Variants in COL9A2 observed in about 807,000 individuals in gnomAD.
The protein encoded by COL9A2 is collagen type IX alpha 2 chain.
Under a neutral mutation model 111.6 loss-of-function variants are expected in COL9A2, and 66 were observed. The observed-to-expected ratio is 0.59, with a 90% CI of 0.48 to 0.73. The LOEUF is 0.73. COL9A2 is among the 30% of genes least tolerant of loss of function. The pLI is 0.00. For synonymous variants in COL9A2, 353 were observed against 364.1 expected, an observed-to-expected ratio of 0.97 and a Z score of 0.35; for missense variants, 881 against 954.1, an observed-to-expected ratio of 0.92 and a Z score of 1.01.
intron 2 of COL9A2, chr1:40,315,160 G>C: frequency 1.1e-6 from 1 of 931,116 alleles, no homozygotes; most frequent in Non-Finnish European, 1.3e-6. Context: ...ATTCTAAATC[G>C]GGGAGAGAAA....
At chr1:40,315,551 C>A (rs763237096) in intron 2 of COL9A2, 39 bp downstream of exon 2, 3 of 1,528,766 alleles carry the variant, frequency 2.0e-6, no homozygotes, top group Non-Finnish European at 2.7e-6. Flanking sequence ...CCTTTGTCTG[C>A]CGCCTCCCTC....
rs747178798 is a variant in COL9A2, at chr1:40,301,267, C to T, written c.1985G>A (p.Gly662Asp). 71 of 1,613,958 alleles carry T rather than the reference C, an allele frequency of 4.4e-5. No homozygotes were observed. The highest frequency in any genetic ancestry group is 5.6e-5 in the Non-Finnish European group (66 of 1,179,986). ...PGLPGPVGLP[G>D]FCEPAACLGA... ...AAGGCAGGCGGCAGGTTCACAGAAG[C>T]CCGGCAGCCCCACGGGGCCTGGCAG... The change falls in exon 32 of 32, where the codon GGC becomes GAC. Residue 662 changes from glycine (G) to aspartate (D), a missense_variant. Physicochemically the swap from Gly to Asp is moderately conservative, Grantham distance 94. Transcript: ENST00000372748.
Position 40,302,789 on chromosome 1 carries a change from C to T in COL9A2, c.1624G>A (p.Val542Met), listed in dbSNP as rs573879844. The change falls in exon 30 of 32, where the codon GTG becomes ATG. Residue 542 changes from valine (V) to methionine (M), a missense_variant. Physicochemically the swap from Val to Met is conservative, Grantham distance 21. Coordinates refer to ENST00000372748, the MANE Select transcript of COL9A2 (RefSeq NM_001852.4). This position sits in a 1 kb window ranked among gnomAD's most constrained non-coding sequence, Gnocchi z 4.5. ...MLQEQLAEVA[V>M]SAKREALGAV... is the part of the protein sequence containing the mutation. The stretch of plus-strand genomic sequence containing the variant: ...CCCAGGGCTTCCCGCTTGGCACTCA[C>T]GGCGACCTCTGCCAGTTGCTCTGGA... 30 of 1,130,170 alleles carry T rather than the reference C, an allele frequency of 2.7e-5. No homozygotes were observed. Among genetic ancestry groups the T allele is most frequent in the African/African-American group, 3.2e-5 (2 of 62,186 alleles). The allele number at this position is 1,130,170 out of a possible 1,614,324, so 70.0% of individuals were successfully genotyped here. A position where few individuals can be genotyped will look rare whatever the true frequency, so the allele number is the denominator to read the frequency against.
Position 40,303,235 on chromosome 1 carries a change from C to G in COL9A2, c.1549-50G>C. ...GAAGCCCCTGGCTACAAGGGCCCACCGCTCCTATCCCACCTGGCTGAGCGT... is the reference window on the plus strand; with the variant it reads ...GAAGCCCCTGGCTACAAGGGCCCACGGCTCCTATCCCACCTGGCTGAGCGT... On this transcript the variant is annotated intron_variant, in intron 28 of 31. Coordinates refer to ENST00000372748, the MANE Select transcript of COL9A2 (RefSeq NM_001852.4). This position sits in a 1 kb window ranked among gnomAD's most constrained non-coding sequence, Gnocchi z 4.6. The G allele has an allele frequency of 6.4e-7, 1 of 1,558,782 alleles. No homozygotes were observed. The highest frequency in any genetic ancestry group is 8.8e-7 in the Non-Finnish European group (1 of 1,140,522).
chr1:40,311,080 C>A lies in COL9A2; in HGVS notation c.630+13G>T, dbSNP rs3737815. ...CGTATCCCTGACCCACAGCCCTCAG[C>A]CCTTGCACTCACCGGCTTCCCCTGG... On this transcript the variant is annotated intron_variant, in intron 12 of 31. Transcript: ENST00000372748. The surrounding 1 kb of genome is among the most constrained non-coding windows in gnomAD (Gnocchi z 5.1). The A allele has an allele frequency of 0.17, 266,324 of 1,613,654 alleles. 24,982 individuals carry two copies. Among genetic ancestry groups the A allele is most frequent in the East Asian group, 0.43 (19,216 of 44,850 alleles).
intron 19 of COL9A2, among the ~76,000 whole-genome samples, chr1:40,306,679 G>C (rs1644035122): frequency 6.6e-6 from 1 of 152,160 alleles, no homozygotes; most frequent in Admixed American, 6.5e-5. Flanking sequence ...CTGTTGAGAA[G>C]GGAAAGGACA....
rs970701437 is a variant in COL9A2 at position 40,316,453 on chromosome 1, C to T, written c.75+670G>A. ...ATATCAAGATGAGGCGAGCTCACAGCTGGAGAGTCTCCATCCTGCTGCCCA... is the reference window on the plus strand; with the variant it reads ...ATATCAAGATGAGGCGAGCTCACAGTTGGAGAGTCTCCATCCTGCTGCCCA... On this transcript the variant is annotated intron_variant, in intron 1 of 31. Transcript: ENST00000372748. This position sits in a 1 kb window ranked among gnomAD's most constrained non-coding sequence, Gnocchi z 5.5. Among the ~76,000 whole-genome samples the T allele has an allele frequency of 2.0e-5, 3 of 152,210 alleles. No individual in the cohort carries two copies. The South Asian group carries it at 6.2e-4, about 31-fold the overall frequency.
Position 40,312,092 on chromosome 1 carries a change from G to C in COL9A2, c.384C>G (p.Gly128=), listed in dbSNP as rs945661413. 1.1e-5 allele frequency: 17 copies of C among 1,602,468 alleles called. No homozygotes were observed. The highest frequency in any genetic ancestry group is 1.7e-5 in the Admixed American group (1 of 57,210). The change falls in exon 8 of 32, where the codon GGC becomes GGG. Residue 128 remains glycine, a synonymous_variant. Coordinates refer to ENST00000372748, the MANE Select transcript of COL9A2 (RefSeq NM_001852.4). This position sits in a 1 kb window ranked among gnomAD's most constrained non-coding sequence, Gnocchi z 6.0. ...CTCGGATTCCAATCTCACCAGGGAG[G>C]CCAACAGGTCCAGGAGGCCCCTGGG... ...AGPPGPPGPV[G]LPGEIGIRGP...
At position 40,301,082 on chromosome 1, in the gene COL9A2, G is replaced by T; in HGVS notation, c.*100C>A. ...CTGAGTCCCAGACAGAAGGTCCTGGGGGAGATGGTTTCCTGGACTGGGGAT... is the reference window on the plus strand; with the variant it reads ...CTGAGTCCCAGACAGAAGGTCCTGGTGGAGATGGTTTCCTGGACTGGGGAT... On this transcript the variant is annotated 3_prime_UTR_variant, in exon 32 of 32. Coordinates refer to ENST00000372748, the MANE Select transcript of COL9A2 (RefSeq NM_001852.4). The T allele has an allele frequency of 7.9e-7, 1 of 1,268,160 alleles. No homozygotes were observed. Among genetic ancestry groups the T allele is most frequent in the Non-Finnish European group, 1.1e-6 (1 of 879,908 alleles). The allele number at this position is 1,268,160 out of a possible 1,614,324, so 78.6% of individuals were successfully genotyped here.
rs955748639 is a variant in COL9A2 at position 40,316,839 on chromosome 1, T to C, written c.75+284A>G. 2 of 548,086 alleles carry C rather than the reference T, an allele frequency of 3.6e-6. No homozygotes were observed. The highest frequency in any genetic ancestry group is 3.8e-5 in the African/African-American group (2 of 52,116). The allele number at this position is 548,086 out of a possible 1,614,324, so 34.0% of individuals were successfully genotyped here. A position where few individuals can be genotyped will look rare whatever the true frequency, so the allele number is the denominator to read the frequency against. On this transcript the variant is annotated intron_variant, in intron 1 of 31. Coordinates refer to ENST00000372748, the MANE Select transcript of COL9A2 (RefSeq NM_001852.4). This position sits in a 1 kb window ranked among gnomAD's most constrained non-coding sequence, Gnocchi z 5.5. ...GCCCCGCCACCTGGGCTCCCCGGGC[T>C]GCCAGGACCGGGCGCCAGCTCCTGC...
chr1:40,307,364 C>T lies in COL9A2; in HGVS notation c.1008+82G>A. 7.3e-7 allele frequency: 1 copy of T among 1,374,422 alleles called. No individual in the cohort carries two copies. The highest frequency in any genetic ancestry group is 1.0e-6 in the Non-Finnish European group (1 of 979,666). The allele number at this position is 1,374,422 out of a possible 1,614,324, so 85.1% of individuals were successfully genotyped here. ...AACAAGGCAAGAGGTGGTGATTGAG[C>T]AAGAGCCCCGGGTGTGTGTGGATTC... On this transcript the variant is annotated intron_variant, in intron 19 of 31. Coordinates refer to ENST00000372748, the MANE Select transcript of COL9A2 (RefSeq NM_001852.4). The surrounding 1 kb of genome is among the most constrained non-coding windows in gnomAD (Gnocchi z 4.8).
In COL9A2 at chr1:40,305,711, T is replaced by C. The variant is rs1406226184; in HGVS notation, c.1107+4A>G. On this transcript the variant is annotated splice_donor_region_variant and intron_variant, in intron 21 of 31. Coordinates refer to ENST00000372748, the MANE Select transcript of COL9A2 (RefSeq NM_001852.4). The stretch of plus-strand genomic sequence containing the variant: ...ACCCTTGTGTCAGTGCAGGGGGCAT[T>C]TACCTCTTTCCCAGGGGGACCAGAG... The C allele has an allele frequency of 4.3e-6, 7 of 1,613,860 alleles. No homozygotes were observed. The African/African-American group carries it at 9.3e-5, about 22-fold the overall frequency.
In COL9A2 at chr1:40,301,152, T is replaced by C; in HGVS notation, c.*30A>G. ...GGGGACCTGGTCCTTCCCGCCAGGA[T>C]GCCTGCCAGGCTCTGTCTGGGCCTG... On this transcript the variant is annotated 3_prime_UTR_variant, in exon 32 of 32. Coordinates refer to ENST00000372748, the MANE Select transcript of COL9A2 (RefSeq NM_001852.4). 6.2e-7 allele frequency: 1 copy of C among 1,611,474 alleles called. No homozygotes were observed. The highest frequency in any genetic ancestry group is 8.5e-7 in the Non-Finnish European group (1 of 1,179,164).
intron 2 of COL9A2, chr1:40,315,269 G>C: frequency 8.5e-7 from 1 of 1,173,646 alleles, no homozygotes; most frequent in Non-Finnish European, 1.1e-6. Flanking sequence ...CCAGAGGCAG[G>C]GTGAGGGGTT....
At position 40,315,531 on chromosome 1, in the gene COL9A2, A is replaced by G. The variant is rs1217153710; in HGVS notation, c.150+59T>C. 11 of 1,500,408 alleles carry G rather than the reference A, an allele frequency of 7.3e-6. No individual in the cohort carries two copies. The Admixed American group carries it at 2.3e-4, about 31-fold the overall frequency. 92.9% of individuals were successfully genotyped at this position (1,500,408 alleles called of 1,614,324 possible). ...AGTCCCCACCCCCACCACAGCGCTC[A>G]CAAAGTTCTCCTTTGTCTGCCGCCT... On this transcript the variant is annotated intron_variant, in intron 2 of 31. Coordinates refer to ENST00000372748, the MANE Select transcript of COL9A2 (RefSeq NM_001852.4).
Position 40,303,663 on chromosome 1 carries a change from C to T in COL9A2, c.1415G>A (p.Gly472Glu), listed in dbSNP as rs762692798. The change falls in exon 28 of 32, where the codon GGA (glycine) becomes GAA (glutamate). Residue 472 changes from glycine (G) to glutamate (E), a missense_variant. Gly to Glu is a moderately conservative substitution (Grantham distance 98). Coordinates refer to ENST00000372748, the MANE Select transcript of COL9A2 (RefSeq NM_001852.4). The surrounding 1 kb of genome is among the most constrained non-coding windows in gnomAD (Gnocchi z 4.6). ...GCTGGGGCCAGGGTAGCCGGGTTCT[C>T]CACGTACTCCTTGCTGCGGGGGGAT... ...PGPKGQQGVR[G>E]EPGYPGPSGD... The T allele has an allele frequency of 6.4e-7, 1 of 1,571,672 alleles. No homozygotes were observed. Among genetic ancestry groups the T allele is most frequent in the South Asian group, 1.2e-5 (1 of 86,220 alleles).
At position 40,302,707 on chromosome 1, in the gene COL9A2, T is replaced by C. The variant is rs1643933124; in HGVS notation, c.1706A>G (p.Lys569Arg). ...GPPGPPGYPG[K>R]QGPHGHPGPR... Reference sequence around the variant, plus strand: ...GCCAGGGTGCCCATGGGGGCCCTGCTTGCCTGGGTACCCAGGGGGCCCAGG... The same window carrying C: ...GCCAGGGTGCCCATGGGGGCCCTGCCTGCCTGGGTACCCAGGGGGCCCAGG... The change falls in exon 30 of 32, where the codon AAG becomes AGG. Residue 569 changes from lysine (K) to arginine (R), a missense_variant. Coordinates refer to ENST00000372748, the MANE Select transcript of COL9A2 (RefSeq NM_001852.4). This position sits in a 1 kb window ranked among gnomAD's most constrained non-coding sequence, Gnocchi z 4.5. The C allele has an allele frequency of 6.3e-7, 1 of 1,584,732 alleles. No individual in the cohort carries two copies. The highest frequency in any genetic ancestry group is 1.9e-4 in the Middle Eastern group (1 of 5,258).
chr1:40,310,193 T>A lies in COL9A2; in HGVS notation c.739-29A>T. On this transcript the variant is annotated intron_variant, in intron 14 of 31. Coordinates refer to ENST00000372748, the MANE Select transcript of COL9A2 (RefSeq NM_001852.4). The surrounding 1 kb of genome is among the most constrained non-coding windows in gnomAD (Gnocchi z 4.9). ...GGGAGAGGAAAGGGTTGCAGGTCAGTCCTGGCTGAACTCCAGGGGCCAGAA... is the reference window on the plus strand; with the variant it reads ...GGGAGAGGAAAGGGTTGCAGGTCAGACCTGGCTGAACTCCAGGGGCCAGAA... 6.2e-7 allele frequency: 1 copy of A among 1,613,952 alleles called. No individual in the cohort carries two copies. The highest frequency in any genetic ancestry group is 1.1e-5 in the South Asian group (1 of 91,072).
In COL9A2 at chr1:40,310,643, CA is replaced by C; in HGVS notation, c.684+70del. ...CTCTTTTACAAGCTAGAGGCCTGAGCAGGGGAATGACTCCATGAAGGGCTCC... is the reference window on the plus strand; with the variant it reads ...CTCTTTTACAAGCTAGAGGCCTGAGCGGGGAATGACTCCATGAAGGGCTCC... On this transcript the variant is annotated intron_variant, in intron 13 of 31. Coordinates refer to ENST00000372748, the MANE Select transcript of COL9A2 (RefSeq NM_001852.4). This position sits in a 1 kb window ranked among gnomAD's most constrained non-coding sequence, Gnocchi z 4.9. 2 of 1,325,332 alleles carry C rather than the reference CA, an allele frequency of 1.5e-6. No homozygotes were observed. Among genetic ancestry groups the C allele is most frequent in the South Asian group, 1.3e-5 (1 of 79,514 alleles). 82.1% of individuals were successfully genotyped at this position (1,325,332 alleles called of 1,614,324 possible).
Sources: gnomAD v4.1 joint callset for allele counts (sites outside exome capture counted in the v4.1 genomes callset) on GRCh38, gnomAD v4.1.1 for gene constraint, Gnocchi (gnomAD v3.1) non-coding constraint, MANE v1.5 for transcripts, NCBI Gene and HGNC (gene_info 2026-07-23, HGNC 2026-07-21) for gene names.